The following FZD3 variants were observed in gnomAD, a reference collection of about 807,000 sequenced individuals.
The protein encoded by FZD3 is frizzled class receptor 3, also known as frizzled-3.
In FZD3, 30 loss-of-function variants were observed where a neutral mutation model predicts 60.7. The ratio of observed to expected loss-of-function variants is 0.49; its 90% CI spans 0.37 to 0.67. FZD3 has a LOEUF of 0.67. Ranked by LOEUF, FZD3 falls within the 30% of genes least tolerant of loss-of-function variation. FZD3 has a pLI of 0.00. For missense variants in FZD3, 605 were observed against 838.7 expected (o/e 0.72, Z 3.44); for synonymous variants, 246 against 275.2 (o/e 0.89, Z 1.05).
intron 2 of FZD3, among the ~76,000 whole-genome samples, chr8:28,502,416 G>A (rs1488221960): frequency 6.6e-6 from 1 of 152,078 alleles, no homozygotes; most frequent in East Asian, 1.9e-4. Context: ...TTATACATGA[G>A]AAGTTGAACC....
At chr8:28,562,078 G>C (rs1805622712) in intron 7 of FZD3, among the ~76,000 whole-genome samples, 1 of 152,120 alleles carries the variant, frequency 6.6e-6, no homozygotes, top group South Asian at 2.1e-4. Context: ...TCCAAGCTGG[G>C]TCTAGAGCTG....
chr8:28,570,344 TAGCC>T lies in FZD3; in HGVS notation c.*7336_*7339del, dbSNP rs1352001698. On this transcript the variant is annotated 3_prime_UTR_variant, in exon 8 of 8. Coordinates refer to ENST00000240093, the MANE Select transcript of FZD3 (RefSeq NM_017412.4). ...CCTTCTGTACTAAAAATACAAAAAT[TAGCC>T]AGGCGCAGTGGCTCACGCCTGTAAT... 1 of 148,960 alleles carries T rather than the reference TAGCC, an allele frequency of 6.7e-6. No homozygotes were observed. Among genetic ancestry groups the T allele is most frequent in the Non-Finnish European group, 1.5e-5 (1 of 67,290 alleles). The allele number at this position is 148,960 out of a possible 1,614,324, so 9.2% of individuals were successfully genotyped here. A position where few individuals can be genotyped will look rare whatever the true frequency, so the allele number is the denominator to read the frequency against.
chr8:28,538,942 A>G lies in FZD3; in HGVS notation c.1404+10778A>G, dbSNP rs564053854. Among the ~76,000 whole-genome samples, 3 of 151,996 alleles carry G rather than the reference A, an allele frequency of 2.0e-5. No homozygotes were observed. In the South Asian group the frequency reaches 6.2e-4, roughly 32 times the overall value. On this transcript the variant is annotated intron_variant, in intron 5 of 7. Transcript: ENST00000240093. ...AAATACAGCCTCTGCCCTACAGTTC[A>G]TAGCCTAGTAAGAGAAAATAAACAT... is the stretch of plus-strand genomic sequence containing the variant.
At chr8:28,511,209 G>A (rs1410613155) in intron 3 of FZD3, among the ~76,000 whole-genome samples, 3 of 151,840 alleles carry the variant, frequency 2.0e-5, no homozygotes, top group South Asian at 4.2e-4. Flanking sequence ...AAAGTTGGCC[G>A]GGCACAGTGG....
At chr8:28,551,831 CTTGGAT>C (rs1268637552) in intron 6 of FZD3, 80 bp downstream of exon 6, 1 of 1,113,196 alleles carries the variant, frequency 9.0e-7, no homozygotes, top group Non-Finnish European at 1.3e-6. Context: ...GTTAAAATGA[CTTGGAT>C]TTGGAGAATT....
rs138856659 is a variant in FZD3 at position 28,522,893 on chromosome 8, C to T, written c.386+2059C>T. Among the ~76,000 whole-genome samples the T allele has an allele frequency of 3.4e-3, 516 of 151,746 alleles. 3 individuals carry two copies. Among genetic ancestry groups the T allele is most frequent in the African/African-American group, 0.012 (497 of 41,304 alleles). ...CAAGCAATTCTCCTACCTCAGTCTC[C>T]CAAGTAGCTGGGCTTACAGGTGCCC... On this transcript the variant is annotated intron_variant, in intron 4 of 7. Coordinates refer to ENST00000240093, the MANE Select transcript of FZD3 (RefSeq NM_017412.4).
intron 7 of FZD3, among the ~76,000 whole-genome samples, chr8:28,558,738 T>G (rs550733206): frequency 6.6e-6 from 1 of 152,314 alleles, no homozygotes; most frequent in South Asian, 2.1e-4. Flanking sequence ...GGCCTGGCCT[T>G]ATCCTTTCAA....
Position 28,527,778 on chromosome 8 carries a change from G to A in FZD3, c.1018G>A (p.Gly340Arg), listed in dbSNP as rs1215676579. 1.2e-6 allele frequency: 2 copies of A among 1,614,136 alleles called. No individual in the cohort carries two copies. Among genetic ancestry groups the A allele is most frequent in the Admixed American group, 1.7e-5 (1 of 60,010 alleles). Residue 340 changes from glycine to arginine, a missense_variant, in exon 5 of 8, where the codon GGA becomes AGA. Gly to Arg is a moderately radical substitution (Grantham distance 125, BLOSUM62 -2). Transcript: ENST00000240093. This position sits in a 1 kb window ranked among gnomAD's most constrained non-coding sequence, Gnocchi z 5.0. Reference protein sequence around the residue: ...LFHASAWGIPGTLTIILLAMN... With the variant: ...LFHASAWGIPRTLTIILLAMN... ...TCACGCCAGTGCATGGGGCATCCCC[G>A]GAACTCTAACCATCATCCTTTTAGC...
intron 2 of FZD3, among the ~76,000 whole-genome samples, chr8:28,500,589 A>G (rs1803963165): frequency 6.6e-6 from 1 of 152,220 alleles, no homozygotes; most frequent in African/African-American, 2.4e-5. Flanking sequence ...TTGCAAGCAG[A>G]TGAATATGCT....
chr8:28,526,090 G>A (rs1018855998), intron 4 of FZD3, among the ~76,000 whole-genome samples: 2 of 98,504 alleles, frequency 2.0e-5, no homozygotes, highest in Admixed American at 1.0e-4. Context: ...TATATGTTGA[G>A]TTGGCAGTTA....
intron 5 of FZD3, among the ~76,000 whole-genome samples, chr8:28,530,210 A>G (rs1408023788): frequency 6.6e-6 from 1 of 151,922 alleles, no homozygotes; most frequent in Non-Finnish European, 1.5e-5. Flanking sequence ...AAATGATGGT[A>G]ATAACATAGG....
intron 4 of FZD3, among the ~76,000 whole-genome samples, chr8:28,526,192 TAC>T (rs10685591): frequency 6.6e-6 from 1 of 150,940 alleles, no homozygotes; most frequent in Non-Finnish European, 1.5e-5. Context: ...TTAATGTTTA[TAC>T]ACACACACAC....
chr8:28,520,892 A>G (rs1804561115), intron 4 of FZD3, 58 bp downstream of exon 4: 1 of 1,168,780 alleles, frequency 8.6e-7, no homozygotes, highest in Non-Finnish European at 1.2e-6. Context: ...GTTTAAAAGT[A>G]CTTGTCTTCT....
At chr8:28,529,697 A>G (rs1804812380) in intron 5 of FZD3, among the ~76,000 whole-genome samples, 1 of 152,166 alleles carries the variant, frequency 6.6e-6, no homozygotes, top group Non-Finnish European at 1.5e-5. Flanking sequence ...TTATCATTAT[A>G]TTAGCTACTG....
intron 7 of FZD3, among the ~76,000 whole-genome samples, chr8:28,561,182 G>C (rs571358185): frequency 3.3e-5 from 5 of 152,086 alleles, no homozygotes; most frequent in African/African-American, 7.2e-5. Context: ...TTAGCCTCCC[G>C]AGTAGCTGGG....
In FZD3 at chr8:28,569,168, T is replaced by G. The variant is rs1364371418; in HGVS notation, c.*6157T>G. 1.0e-4 allele frequency: 14 copies of G among 137,816 alleles called. No homozygotes were observed. In the South Asian group the frequency reaches 3.5e-3, roughly 34 times the overall value. 8.5% of individuals were successfully genotyped at this position (137,816 alleles called of 1,614,324 possible). On this transcript the variant is annotated 3_prime_UTR_variant, in exon 8 of 8. Transcript: ENST00000240093. Reference sequence around the variant, plus strand: ...ATGCTAAATTGCAGATATTTCTTTGTGTTGTGCTTATTGGTTTTTTTTTTT... The same window carrying G: ...ATGCTAAATTGCAGATATTTCTTTGGGTTGTGCTTATTGGTTTTTTTTTTT...
Position 28,503,114 on chromosome 8 carries a change from G to A in FZD3, c.101G>A (p.Arg34Lys). 6.2e-7 allele frequency: 1 copy of A among 1,612,998 alleles called. No homozygotes were observed. Among genetic ancestry groups the A allele is most frequent in the East Asian group, 2.2e-5 (1 of 44,858 alleles). The change falls in exon 3 of 8, where the codon AGG becomes AAG. Residue 34 changes from arginine (R) to lysine (K), a missense_variant. Coordinates refer to ENST00000240093, the MANE Select transcript of FZD3 (RefSeq NM_017412.4). ...TTTTCTTGTGAACCTATTACCTTGA[G>A]GATGTGCCAAGATTTGCCTTATAAT... Reference protein sequence around the residue: ...SLFSCEPITLRMCQDLPYNTT... With the variant: ...SLFSCEPITLKMCQDLPYNTT...
intron 5 of FZD3, among the ~76,000 whole-genome samples, chr8:28,536,846 T>C (rs1805028743): frequency 6.6e-6 from 1 of 152,230 alleles, no homozygotes; most frequent in Non-Finnish European, 1.5e-5. Context: ...AAATCTAATT[T>C]GTTATGATTT....
At chr8:28,506,638 C>T (rs1234036068) in intron 3 of FZD3, among the ~76,000 whole-genome samples, 1 of 152,036 alleles carries the variant, frequency 6.6e-6, no homozygotes, top group East Asian at 1.9e-4. Context: ...TGTTTGCCTC[C>T]GTTTCCTGTT....
Sources: gnomAD v4.1 joint callset for allele counts (sites outside exome capture counted in the v4.1 genomes callset) on GRCh38, gnomAD v4.1.1 for gene constraint, Gnocchi (gnomAD v3.1) non-coding constraint, MANE v1.5 for transcripts, NCBI Gene and HGNC (gene_info 2026-07-23, HGNC 2026-07-21) for gene names.